The following TYR variants were observed in gnomAD, a reference collection of about 807,000 sequenced individuals.
The protein encoded by TYR is tyrosinase, also known as LB24-AB.
A neutral mutation model predicts 51.5 loss-of-function variants in TYR; 58 were observed. The observed-to-expected ratio is 1.13, with a 90% CI of 0.91 to 1.40. The LOEUF is 1.40. Among genes scored for constraint, TYR ranks in the 40% most tolerant of loss-of-function variants. The pLI is 0.00. For missense variants in TYR, 732 were observed against 647.4 expected, an observed-to-expected ratio of 1.13 and a Z score of -1.42; for synonymous variants, 263 against 235.2, an observed-to-expected ratio of 1.12 and a Z score of -1.08.
At chr11:89,218,484 C>A (rs1381892516) in intron 2 of TYR, among the ~76,000 whole-genome samples, 1 of 151,968 alleles carries the variant, frequency 6.6e-6, no homozygotes. Flanking sequence ...CCAAATATTT[C>A]TTGTCAAAGA....
chr11:89,281,702 G>C (rs1944724004), intron 3 of TYR, among the ~76,000 whole-genome samples: 1 of 151,712 alleles, frequency 6.6e-6, no homozygotes, highest in Non-Finnish European at 1.5e-5. Context: ...TTATTAATTT[G>C]TCTATTTTGT....
intron 4 of TYR, chr11:89,294,384 T>C (rs1429871676): frequency 1.3e-5 from 2 of 152,930 alleles, no homozygotes; most frequent in Admixed American, 1.3e-4. Flanking sequence ...TTCTTACATA[T>C]ATCGGCTCCC....
chr11:89,217,205 T>C (rs560796670), intron 2 of TYR, among the ~76,000 whole-genome samples: 2 of 152,340 alleles, frequency 1.3e-5, no homozygotes, highest in Admixed American at 6.5e-5. Flanking sequence ...CCTTTCAAGT[T>C]ATTAAAAATG....
chr11:89,187,275 T>G (rs1353115144), intron 1 of TYR, among the ~76,000 whole-genome samples: 1 of 152,006 alleles, frequency 6.6e-6, no homozygotes, highest in Non-Finnish European at 1.5e-5. Flanking sequence ...CACCACAATA[T>G]TTACAGGTAA....
chr11:89,261,155 C>G (rs1944452161), intron 3 of TYR, among the ~76,000 whole-genome samples: 2 of 151,986 alleles, frequency 1.3e-5, no homozygotes, highest in Admixed American at 1.3e-4. Flanking sequence ...AATGGAAGAA[C>G]TGAGGAACAA....
rs770276552 is a variant in TYR at position 89,178,633 on chromosome 11, G to A, written c.680G>A (p.Gly227Glu). Reference protein sequence around the residue: ...RWEQEIQKLTGDENFTIPYWD... With the variant: ...RWEQEIQKLTEDENFTIPYWD... Reference sequence around the variant, plus strand: ...GAACAAGAAATCCAGAAGCTGACAGGAGATGAAAACTTCACTATTCCATAT... The same window carrying A: ...GAACAAGAAATCCAGAAGCTGACAGAAGATGAAAACTTCACTATTCCATAT... The change falls in exon 1 of 5, where the codon GGA becomes GAA. Residue 227 changes from glycine to glutamate, a missense_variant. By Grantham distance (98) the Gly-to-Glu change is moderately conservative. Coordinates refer to ENST00000263321, the MANE Select transcript of TYR (RefSeq NM_000372.5). 3 of 1,612,584 alleles carry A rather than the reference G, an allele frequency of 1.9e-6. No homozygotes were observed. Among genetic ancestry groups the A allele is most frequent in the East Asian group, 2.2e-5 (1 of 44,840 alleles).
chr11:89,273,527 G>A (rs897026864), intron 3 of TYR, among the ~76,000 whole-genome samples: 10 of 151,852 alleles, frequency 6.6e-5, no homozygotes, highest in African/African-American at 2.4e-4. Context: ...AAGAGATTTA[G>A]TAATATTGAA....
intron 2 of TYR, among the ~76,000 whole-genome samples, chr11:89,198,272 C>T (rs1044719347): frequency 6.6e-6 from 1 of 151,882 alleles, no homozygotes; most frequent in African/African-American, 2.4e-5. Context: ...TCATTTGACA[C>T]TAATTGTATA....
intron 2 of TYR, among the ~76,000 whole-genome samples, chr11:89,212,036 A>G: frequency 6.6e-6 from 1 of 152,198 alleles, no homozygotes; most frequent in East Asian, 1.9e-4. Context: ...CAAGTAAAAG[A>G]AGTAGAGAAG....
intron 3 of TYR, among the ~76,000 whole-genome samples, chr11:89,245,584 T>A (rs945497630): frequency 2.0e-5 from 3 of 152,136 alleles, no homozygotes; most frequent in Admixed American, 2.0e-4. Context: ...AAATTTAGCA[T>A]GCTCAGTTGG....
intron 3 of TYR, among the ~76,000 whole-genome samples, chr11:89,278,415 A>G (rs892394775): frequency 6.6e-6 from 1 of 151,734 alleles, no homozygotes; most frequent in Non-Finnish European, 1.5e-5. Context: ...TATTATAGAT[A>G]TTTAGAATAT....
chr11:89,186,781 A>G (rs2135249046), intron 1 of TYR, among the ~76,000 whole-genome samples: 1 of 152,264 alleles, frequency 6.6e-6, no homozygotes, highest in African/African-American at 2.4e-5. Context: ...ATTTGGAGGT[A>G]GGTCTTTAAG....
At chr11:89,221,927 C>A (rs948102696) in intron 2 of TYR, among the ~76,000 whole-genome samples, 1 of 152,180 alleles carries the variant, frequency 6.6e-6, no homozygotes, top group East Asian at 1.9e-4. Context: ...TAAAGTGCAA[C>A]ATCTGTAACT....
At position 89,217,286 on chromosome 11, in the gene TYR, G is replaced by A. The variant is rs924710574; in HGVS notation, c.1037-10537G>A. Among the ~76,000 whole-genome samples the A allele has an allele frequency of 3.9e-5, 6 of 152,256 alleles. No homozygotes were observed. The East Asian group carries it at 7.7e-4, about 20-fold the overall frequency. ...GTAATACTATGCAGTGTTAACAAAC[G>A]TATGCCAAAATCTTAGTGATGTAAT... On this transcript the variant is annotated intron_variant, in intron 2 of 4. Transcript: ENST00000263321.
chr11:89,293,625 C>G (rs1944873381), intron 4 of TYR: 1 of 152,642 alleles, frequency 6.6e-6, no homozygotes, highest in African/African-American at 2.4e-5. Flanking sequence ...CCCAACTCTC[C>G]CAATACTACT....
chr11:89,196,931 T>C (rs1204246418), intron 2 of TYR, among the ~76,000 whole-genome samples: 1 of 152,172 alleles, frequency 6.6e-6, no homozygotes, highest in African/African-American at 2.4e-5. Context: ...AAAGATGACT[T>C]ACACAGCTTA....
chr11:89,187,896 T>C (rs1026481534), intron 1 of TYR, among the ~76,000 whole-genome samples: 3 of 151,886 alleles, frequency 2.0e-5, no homozygotes, highest in African/African-American at 7.2e-5. Flanking sequence ...AAAGATTAAA[T>C]ATATACACCA....
intron 2 of TYR, among the ~76,000 whole-genome samples, chr11:89,196,105 TACA>T (rs1441602537): frequency 1.3e-5 from 2 of 152,128 alleles, no homozygotes; most frequent in East Asian, 3.8e-4. Flanking sequence ...AATGATGCAA[TACA>T]TGTAAGGTAG....
At chr11:89,264,760 C>CGA (rs1377263656) in intron 3 of TYR, among the ~76,000 whole-genome samples, 1 of 147,768 alleles carries the variant, frequency 6.8e-6, no homozygotes, top group African/African-American at 2.6e-5. Context: ...AACAAACAAA[C>CGA]GAGATCATGT....
Sources: allele counts gnomAD v4.1 joint callset (sites outside exome capture counted in the v4.1 genomes callset), GRCh38; gene constraint gnomAD v4.1.1; transcripts MANE v1.5; gene names NCBI Gene and HGNC (gene_info 2026-07-23, HGNC 2026-07-21).